The following WIZ variants were observed in gnomAD, a reference collection of about 807,000 sequenced individuals.
WIZ encodes WIZ zinc finger.
Under a neutral mutation model 140.2 loss-of-function variants are expected in WIZ, and 25 were observed. The observed-to-expected ratio is 0.18, with a 90% confidence interval of 0.13 to 0.25. WIZ has a LOEUF of 0.25. Among genes scored for constraint, WIZ ranks in the 10% least tolerant of loss-of-function variants. The pLI is 1.00. For missense variants in WIZ, 2,231 were observed against 2,632.6 expected (o/e 0.85, Z 3.34); for synonymous variants, 1,125 against 1,154.3 (o/e 0.97, Z 0.51).
chr19:15,431,945 G>A (rs1969268272), intron 5 of WIZ, among the ~76,000 whole-genome samples: 1 of 152,220 alleles, frequency 6.6e-6, no homozygotes, highest in Non-Finnish European at 1.5e-5. Flanking sequence ...AGAGTTCAGA[G>A]CAAAGGATGA....
Position 15,423,210 on chromosome 19 carries a change from G to T in WIZ, c.5536C>A (p.Pro1846Thr), listed in dbSNP as rs758509986. 2.5e-6 allele frequency: 4 copies of T among 1,613,742 alleles called. No individual in the cohort carries two copies. The highest frequency in any genetic ancestry group is 3.4e-6 in the Non-Finnish European group (4 of 1,179,928). ...ACCCACTCTTCCTGGATGGAGAGGG[G>T]GCCCTGGAATTCCACCTCACAGAAC... ...CRFCEVEFQG[P>T]LSIQEEWVRH... Residue 1846 changes from proline to threonine, a missense_variant, in exon 13 of 13, where the codon CCC becomes ACC. Physicochemically the swap from Pro to Thr is conservative, Grantham distance 38 (BLOSUM62 -1). This residue lies in a region of WIZ where 299 missense variants were observed against 309.6 expected (regional missense o/e 0.97). Transcript: ENST00000673675.
chr19:15,424,578 G>A lies in WIZ; in HGVS notation c.5314+35C>T, dbSNP rs759896076. On this transcript the variant is annotated intron_variant, in intron 11 of 12. Transcript: ENST00000673675. The surrounding 1 kb of genome is among the most constrained non-coding windows in gnomAD (Gnocchi z 9.7). ...GGCTGGGTGGGCCTGACAGGTGCCC[G>A]CTGCGCTCCCGACCCTCCTCCACCA... The A allele has an allele frequency of 1.9e-6, 3 of 1,557,716 alleles. No homozygotes were observed. Among genetic ancestry groups the A allele is most frequent in the Admixed American group, 1.9e-5 (1 of 53,744 alleles).
At chr19:15,432,319 G>A in intron 5 of WIZ, 2 of 493,610 alleles carry the variant, frequency 4.1e-6, no homozygotes, top group Non-Finnish European at 2.6e-6. Context: ...ACAACTAAAG[G>A]GCCTGGGGGA....
In WIZ at chr19:15,429,714, A is replaced by C; in HGVS notation, c.3287T>G (p.Leu1096Arg). Residue 1096 changes from leucine to arginine, a missense_variant, in exon 7 of 13, where the codon CTG becomes CGG. Physicochemically the swap from Leu to Arg is moderately radical, Grantham distance 102. This residue lies in a region of WIZ where 163 missense variants were observed against 166.8 expected (regional missense o/e 0.98). Coordinates refer to ENST00000673675, the MANE Select transcript of WIZ (RefSeq NM_001371589.1). The stretch of plus-strand genomic sequence containing the variant: ...AGGGGTAGGGGAGCCCGCCAGGGCC[A>C]GTGGTGTCTTTTTGAGGAGTGGAGA... ...PSSPLLKKTP[L>R]ALAGSPTPKN... The C allele has an allele frequency of 6.9e-7, 1 of 1,453,906 alleles. No individual in the cohort carries two copies. Among genetic ancestry groups the C allele is most frequent in the Non-Finnish European group, 9.0e-7 (1 of 1,106,660 alleles). 90.1% of individuals were successfully genotyped at this position (1,453,906 alleles called of 1,614,324 possible).
intron 2 of WIZ, among the ~76,000 whole-genome samples, chr19:15,445,106 A>G (rs1969871536): frequency 6.6e-6 from 1 of 152,192 alleles, no homozygotes; most frequent in African/African-American, 2.4e-5. Context: ...GGGTCAGATG[A>G]GGCGCTAGGT....
Position 15,438,851 on chromosome 19 carries a change from G to A in WIZ, c.2143C>T (p.His715Tyr). 6.8e-7 allele frequency: 1 copy of A among 1,477,266 alleles called. No individual in the cohort carries two copies. The allele number at this position is 1,477,266 out of a possible 1,614,324, so 91.5% of individuals were successfully genotyped here. The part of the protein sequence containing the change: ...QPEELGLAGA[H>Y]PLDFLLLDAP... ...TCCAGGAGCAGGAAGTCCAGGGGGT[G>A]GGCGCCTGCCAGCCCCAGCTCCTCG... Residue 715 changes from histidine (H) to tyrosine (Y), a missense_variant, in exon 4 of 13, where the codon CAC (histidine) becomes TAC (tyrosine). By Grantham distance (83) the His-to-Tyr change is moderately conservative. This residue lies in a region of WIZ where 475 missense variants were observed against 520.2 expected (regional missense o/e 0.91). Coordinates refer to ENST00000673675, the MANE Select transcript of WIZ (RefSeq NM_001371589.1).
At position 15,439,324 on chromosome 19, in the gene WIZ, C is replaced by T. The variant is rs769023610; in HGVS notation, c.1670G>A (p.Ser557Asn). Reference protein sequence around the residue: ...LAFGPGCQQLSIRDFPLSKPL... With the variant: ...LAFGPGCQQLNIRDFPLSKPL... ...CTTTGACAGCGGGAAATCTCTGATG[C>T]TCAGCTGCTGGCATCCTGGGCCAAA... Residue 557 changes from serine to asparagine, a missense_variant, in exon 4 of 13, where the codon AGC becomes AAC. This residue lies in a region of WIZ where 475 missense variants were observed against 520.2 expected (regional missense o/e 0.91). Transcript: ENST00000673675. The surrounding 1 kb of genome is among the most constrained non-coding windows in gnomAD (Gnocchi z 7.0). 8.5e-6 allele frequency: 13 copies of T among 1,535,648 alleles called. No homozygotes were observed. The South Asian group carries it at 1.4e-4, about 17-fold the overall frequency.
chr19:15,448,460 A>C, intron 1 of WIZ, 93 bp from the exon 2 acceptor site: 1 of 956,726 alleles, frequency 1.0e-6, no homozygotes. Context: ...TCAACTTTGC[A>C]GCTCACTGCC....
chr19:15,429,463 A>C, intron 7 of WIZ, 123 bp downstream of exon 7: 1 of 1,103,048 alleles, frequency 9.1e-7, no homozygotes, highest in Non-Finnish European at 1.2e-6. Context: ...GGCCCAGGAC[A>C]TGGGAGCTGT....
At chr19:15,433,346 A>C in intron 5 of WIZ, 1 of 985,188 alleles carries the variant, frequency 1.0e-6, no homozygotes, top group Non-Finnish European at 1.2e-6. Context: ...GAATCGGAAC[A>C]TTGCCCCGCC....
Position 15,438,924 on chromosome 19 carries a change from C to T in WIZ, c.2070G>A (p.Leu690=), listed in dbSNP as rs1239461759. The part of the protein sequence containing the change: ...GMVPIVLVAK[L]GPQVMAAARV... ...TGGCTGCCGCCATGACCTGCGGCCCCAGCTTCGCCACGAGCACAATGGGTA... is the reference window on the plus strand; with the variant it reads ...TGGCTGCCGCCATGACCTGCGGCCCTAGCTTCGCCACGAGCACAATGGGTA... Residue 690 remains leucine (L), a synonymous_variant, in exon 4 of 13, where the codon CTG becomes CTA. Transcript: ENST00000673675. The T allele has an allele frequency of 1.2e-5, 18 of 1,445,202 alleles. 1 individual carries two copies. In the East Asian group the frequency reaches 4.3e-4, roughly 34 times the overall value. The allele number at this position is 1,445,202 out of a possible 1,614,324, so 89.5% of individuals were successfully genotyped here.
intron 2 of WIZ, among the ~76,000 whole-genome samples, chr19:15,444,091 G>A (rs1419848969): frequency 6.6e-6 from 1 of 152,338 alleles, no homozygotes; most frequent in South Asian, 2.1e-4. Flanking sequence ...CTTGTGCCCC[G>A]TCCAGAGCCC....
Position 15,427,016 on chromosome 19 carries a change from C to T in WIZ, c.4332G>A (p.Gly1444=), listed in dbSNP as rs1817734868. The change falls in exon 9 of 13, where the codon GGG becomes GGA. Residue 1444 remains glycine, a synonymous_variant. Transcript: ENST00000673675. The surrounding 1 kb of genome is among the most constrained non-coding windows in gnomAD (Gnocchi z 6.4). ...GGGGTGTCATGTCTTCCCGTGGTGC[C>T]CCCCAGGGACCCTCAGATGGGTGCA... ...GELHPSEGPW[G]APREDMTPLN... 6.2e-7 allele frequency: 1 copy of T among 1,613,944 alleles called. No individual in the cohort carries two copies.
chr19:15,429,145 C>T (rs1266468506), intron 7 of WIZ, among the ~76,000 whole-genome samples: 1 of 152,122 alleles, frequency 6.6e-6, no homozygotes, highest in African/African-American at 2.4e-5. Context: ...TGGTGGACAG[C>T]CAGGAAGACT....
chr19:15,428,030 A>T lies in WIZ; in HGVS notation c.3814+80T>A. 6.7e-7 allele frequency: 1 copy of T among 1,497,434 alleles called. No homozygotes were observed. The highest frequency in any genetic ancestry group is 8.9e-7 in the Non-Finnish European group (1 of 1,128,712). 92.8% of individuals were successfully genotyped at this position (1,497,434 alleles called of 1,614,324 possible). A position where few individuals can be genotyped will look rare whatever the true frequency, so the allele number is the denominator to read the frequency against. On this transcript the variant is annotated intron_variant, in intron 8 of 12. Transcript: ENST00000673675. The surrounding 1 kb of genome is among the most constrained non-coding windows in gnomAD (Gnocchi z 6.4). ...GCCCCTGTCTACTCCCTGCCCCAGC[A>T]GGGAGGGGGCTGTGACCCCCCCCCC...
In WIZ at chr19:15,422,959, T is replaced by G; in HGVS notation, c.*117A>C. 6.9e-6 allele frequency: 10 copies of G among 1,439,862 alleles called. No homozygotes were observed. Among genetic ancestry groups the G allele is most frequent in the Non-Finnish European group, 9.2e-6 (10 of 1,083,442 alleles). 89.2% of individuals were successfully genotyped at this position (1,439,862 alleles called of 1,614,324 possible). On this transcript the variant is annotated 3_prime_UTR_variant, in exon 13 of 13. Transcript: ENST00000673675. Reference sequence around the variant, plus strand: ...TGCCCGGCCCCCAAGGGGCGCCGGTTTGAGGTTTTGGCTTGCTCCTTTGGA... The same window carrying G: ...TGCCCGGCCCCCAAGGGGCGCCGGTGTGAGGTTTTGGCTTGCTCCTTTGGA...
Position 15,448,267 on chromosome 19 carries a change from C to G in WIZ, c.41G>C (p.Arg14Pro). The change falls in exon 2 of 13, where the codon CGT becomes CCT. Residue 14 changes from arginine (R) to proline (P), a missense_variant. Transcript: ENST00000673675. ...AGGCAGTCTCTCTGGGCCTTGGGGACGATCTGGTGCAGCCAGGCTGCCTGC... is the reference window on the plus strand; with the variant it reads ...AGGCAGTCTCTCTGGGCCTTGGGGAGGATCTGGTGCAGCCAGGCTGCCTGC... Reference protein sequence around the residue: ...SLAGSLAAPDRPQGPERLPGP... With the variant: ...SLAGSLAAPDPPQGPERLPGP... The G allele has an allele frequency of 6.2e-7, 1 of 1,613,244 alleles. No homozygotes were observed. Among genetic ancestry groups the G allele is most frequent in the Non-Finnish European group, 8.5e-7 (1 of 1,179,808 alleles).
At position 15,442,592 on chromosome 19, in the gene WIZ, A is replaced by G. The variant is rs1177101855; in HGVS notation, c.278+84T>C. 9.4e-7 allele frequency: 1 copy of G among 1,068,286 alleles called. No individual in the cohort carries two copies. Among genetic ancestry groups the G allele is most frequent in the Non-Finnish European group, 1.2e-6 (1 of 838,898 alleles). The allele number at this position is 1,068,286 out of a possible 1,614,324, so 66.2% of individuals were successfully genotyped here. Reference sequence around the variant, plus strand: ...CCTGATTCCCTCCTGTCCCCTTCTCATTCCCCAGGGGCTTATCTGAGGCCT... The same window carrying G: ...CCTGATTCCCTCCTGTCCCCTTCTCGTTCCCCAGGGGCTTATCTGAGGCCT... On this transcript the variant is annotated intron_variant, in intron 3 of 12. Coordinates refer to ENST00000673675, the MANE Select transcript of WIZ (RefSeq NM_001371589.1). This position sits in a 1 kb window ranked among gnomAD's most constrained non-coding sequence, Gnocchi z 5.5.
chr19:15,424,701 G>A lies in WIZ; in HGVS notation c.5226C>T (p.Gly1742=), dbSNP rs752424977. Residue 1742 remains glycine, a synonymous_variant, in exon 11 of 13, where the codon GGC becomes GGT. Transcript: ENST00000673675. The surrounding 1 kb of genome is among the most constrained non-coding windows in gnomAD (Gnocchi z 9.7). The stretch of plus-strand genomic sequence containing the variant: ...GCCGCTCACCACCGTCGGCTGCCCG[G>A]CCAGCCTCGGGCCCTGGCTCCCCTC... ...SAGGEPGPEA[G]RAADGGERPL... is the part of the protein sequence containing the mutation. The A allele has an allele frequency of 3.8e-6, 6 of 1,581,930 alleles. No homozygotes were observed. In the African/African-American group the frequency reaches 4.0e-5, roughly 11 times the overall value.
Sources: allele counts gnomAD v4.1 joint callset (sites outside exome capture counted in the v4.1 genomes callset), GRCh38; gene constraint gnomAD v4.1.1; regional missense constraint gnomAD v4.1.1; non-coding constraint Gnocchi (gnomAD v3.1); transcripts MANE v1.5; gene names NCBI Gene and HGNC (gene_info 2026-07-23, HGNC 2026-07-21).